Variants in PRKN observed in about 807,000 individuals in gnomAD.
PRKN encodes the protein parkin RBR E3 ubiquitin protein ligase.
In PRKN, 56 loss-of-function variants were observed where a neutral mutation model predicts 59.5. The observed-to-expected ratio is 0.94, with a 90% CI of 0.76 to 1.18. The LOEUF (loss-of-function observed/expected upper bound fraction) is 1.18, where lower values mean the gene tolerates loss of function less well. Among genes scored for constraint, PRKN ranks in the 50% most tolerant of loss-of-function variants. PRKN has a pLI of 0.00. For missense variants in PRKN, 657 were observed against 596.4 expected (o/e 1.10, Z -1.06); for synonymous variants, 250 against 222.1 (o/e 1.13, Z -1.12).
At chr6:161,398,422 C>T (rs907358008) in intron 9 of PRKN, among the ~76,000 whole-genome samples, 5 of 152,186 alleles carry the variant, frequency 3.3e-5, no homozygotes, top group South Asian at 2.1e-4. Context: ...TCAGAAAACC[C>T]GAATTTCAGG....
intron 6 of PRKN, among the ~76,000 whole-genome samples, chr6:161,879,894 TAGCAAC>T (rs1794868768): frequency 6.6e-6 from 1 of 152,192 alleles, no homozygotes; most frequent in Non-Finnish European, 1.5e-5. Context: ...GACATCCACT[TAGCAAC>T]AGCATGCCAT....
At chr6:162,199,470 T>G (rs147493859) in intron 4 of PRKN, among the ~76,000 whole-genome samples, 23 of 152,316 alleles carry the variant, frequency 1.5e-4, no homozygotes, top group African/African-American at 5.5e-4. Flanking sequence ...TTATTGCCAT[T>G]TTTACCAAGA....
intron 6 of PRKN, among the ~76,000 whole-genome samples, chr6:161,948,301 A>G (rs953439774): frequency 3.3e-5 from 5 of 152,078 alleles, no homozygotes; most frequent in African/African-American, 7.2e-5. Flanking sequence ...TGCAATTTCT[A>G]TAACAGCCCT....
chr6:162,130,232 CT>C (rs146587579), intron 4 of PRKN, among the ~76,000 whole-genome samples: 1 of 151,960 alleles, frequency 6.6e-6, no homozygotes, highest in Non-Finnish European at 1.5e-5. Context: ...CTCAGAAATC[CT>C]TTTTTGTCTT....
At chr6:161,834,659 C>T (rs1352302691) in intron 6 of PRKN, among the ~76,000 whole-genome samples, 1 of 152,226 alleles carries the variant, frequency 6.6e-6, no homozygotes, top group East Asian at 1.9e-4. Context: ...TTGCTGGAAG[C>T]ACTGGGTAGA....
At chr6:162,302,761 C>T (rs559477459) in intron 2 of PRKN, among the ~76,000 whole-genome samples, 5 of 152,164 alleles carry the variant, frequency 3.3e-5, no homozygotes, top group African/African-American at 1.2e-4. Flanking sequence ...CAACAGGGGT[C>T]TCTTTAAGAC....
chr6:162,043,751 T>C (rs899950911), intron 5 of PRKN, among the ~76,000 whole-genome samples: 2 of 152,214 alleles, frequency 1.3e-5, no homozygotes, highest in African/African-American at 4.8e-5. Context: ...CTCAGTTTTC[T>C]AGGAAGATTG....
chr6:162,560,136 T>C (rs1779774830), intron 1 of PRKN, among the ~76,000 whole-genome samples: 1 of 152,206 alleles, frequency 6.6e-6, no homozygotes, highest in Admixed American at 6.5e-5. Context: ...CCCTACTACA[T>C]TCGTTAATAA....
At chr6:162,330,284 G>A (rs1222160109) in intron 2 of PRKN, among the ~76,000 whole-genome samples, 3 of 152,024 alleles carry the variant, frequency 2.0e-5, no homozygotes, top group South Asian at 2.1e-4. Context: ...CTTGGGAAGC[G>A]GCATAGTATG....
chr6:162,359,694 C>G (rs1471502587), intron 2 of PRKN, among the ~76,000 whole-genome samples: 1 of 151,714 alleles, frequency 6.6e-6, no homozygotes, highest in Non-Finnish European at 1.5e-5. Context: ...ACTTCTTGAT[C>G]TGCTGCAAGG....
At chr6:162,183,517 G>A (rs931875144) in intron 4 of PRKN, among the ~76,000 whole-genome samples, 1 of 152,102 alleles carries the variant, frequency 6.6e-6, no homozygotes, top group Non-Finnish European at 1.5e-5. Context: ...CTCCTGTCTT[G>A]GTATGGGGAG....
Position 161,386,927 on chromosome 6 carries a change from C to T in PRKN, c.1084-50G>A. On this transcript the variant is annotated intron_variant, in intron 9 of 11. Coordinates refer to ENST00000366898, the MANE Select transcript of PRKN (RefSeq NM_004562.3). The surrounding 1 kb of genome is among the most constrained non-coding windows in gnomAD (Gnocchi z 4.3). Reference sequence around the variant, plus strand: ...ATTAGGGACATTAGGTTGCATTTGGCAATAACACATTTTTCCTTTTCCAAA... The same window carrying T: ...ATTAGGGACATTAGGTTGCATTTGGTAATAACACATTTTTCCTTTTCCAAA... 3 of 1,432,140 alleles carry T rather than the reference C, an allele frequency of 2.1e-6. No individual in the cohort carries two copies. The highest frequency in any genetic ancestry group is 3.0e-6 in the Non-Finnish European group (3 of 1,013,824). The allele number at this position is 1,432,140 out of a possible 1,614,324, so 88.7% of individuals were successfully genotyped here.
intron 6 of PRKN, among the ~76,000 whole-genome samples, chr6:161,833,036 C>T (rs1792575943): frequency 6.6e-6 from 1 of 152,162 alleles, no homozygotes; most frequent in Admixed American, 6.5e-5. Context: ...CCTCATGAGA[C>T]ACACATACTT....
At chr6:162,299,542 T>C (rs975991444) in intron 2 of PRKN, among the ~76,000 whole-genome samples, 1 of 152,178 alleles carries the variant, frequency 6.6e-6, no homozygotes, top group Non-Finnish European at 1.5e-5. Flanking sequence ...TTTAATTAGA[T>C]ATAACTTTTC....
Position 161,379,550 on chromosome 6 carries a change from C to T in PRKN, c.1167+7244G>A, listed in dbSNP as rs1054533069. On this transcript the variant is annotated intron_variant, in intron 10 of 11. Transcript: ENST00000366898. The surrounding 1 kb of genome is among the most constrained non-coding windows in gnomAD (Gnocchi z 4.9). ...TGATATCCCTGCTGCTGGGTATGTC[C>T]GCAGCAGACAGCTCTCTGCCAAGTC... 3.9e-5 allele frequency among the ~76,000 whole-genome samples: 6 copies of T among 152,172 alleles called. No individual in the cohort carries two copies. Among genetic ancestry groups the T allele is most frequent in the African/African-American group, 1.4e-4 (6 of 41,426 alleles).
At chr6:162,216,071 T>G (rs1273493423) in intron 3 of PRKN, among the ~76,000 whole-genome samples, 2 of 152,086 alleles carry the variant, frequency 1.3e-5, no homozygotes, top group East Asian at 3.9e-4. Flanking sequence ...GGCAATGAAC[T>G]TAAACCCTTC....
At chr6:162,693,360 TG>T (rs1359274506) in intron 1 of PRKN, among the ~76,000 whole-genome samples, 2 of 152,128 alleles carry the variant, frequency 1.3e-5, no homozygotes, top group African/African-American at 4.8e-5. Flanking sequence ...ATTATAAAGG[TG>T]TAAGAATCAA....
intron 7 of PRKN, among the ~76,000 whole-genome samples, chr6:161,624,258 T>C (rs1238159224): frequency 6.6e-6 from 1 of 152,206 alleles, no homozygotes; most frequent in Non-Finnish European, 1.5e-5. Context: ...AAAAGCTATT[T>C]CCAGTTCTAA....
chr6:162,339,531 C>G (rs576768128), intron 2 of PRKN, among the ~76,000 whole-genome samples: 1 of 122,164 alleles, frequency 8.2e-6, no homozygotes, highest in Admixed American at 7.8e-5. Flanking sequence ...GTCAGCCCCC[C>G]GCCCGGCCAG....
Sources: allele counts gnomAD v4.1 joint callset (sites outside exome capture counted in the v4.1 genomes callset), GRCh38; gene constraint gnomAD v4.1.1; non-coding constraint Gnocchi (gnomAD v3.1); transcripts MANE v1.5; gene names NCBI Gene and HGNC (gene_info 2026-07-23, HGNC 2026-07-21).